MAP2: variants seen among roughly 807,000 people sequenced by gnomAD.
MAP2 encodes the protein microtubule-associated protein 2.
In MAP2, 14 loss-of-function variants were observed where a neutral mutation model predicts 137.6. That is an observed-to-expected ratio of 0.10 (90% confidence interval 0.07 to 0.16). The LOEUF is 0.16. Ranked by LOEUF, MAP2 falls within the 10% of genes least tolerant of loss-of-function variation. MAP2 has a pLI of 1.00. For synonymous variants in MAP2, 786 were observed against 782.3 expected (o/e 1.00, Z -0.08); for missense variants, 2,088 against 2,191.5 (o/e 0.95, Z 0.94).
intron 3 of MAP2, among the ~76,000 whole-genome samples, chr2:209,618,435 G>A (rs534771707): frequency 6.6e-6 from 1 of 152,270 alleles, no homozygotes; most frequent in East Asian, 1.9e-4. Context: ...TTGACCATGA[G>A]TGCTACTAAT....
At chr2:209,589,038 A>G (rs2078526162) in intron 3 of MAP2, among the ~76,000 whole-genome samples, 1 of 152,106 alleles carries the variant, frequency 6.6e-6, no homozygotes, top group Non-Finnish European at 1.5e-5. Context: ...TAAGCATGCA[A>G]TGTTTGCATG....
chr2:209,501,318 TCTG>T (rs750592293), intron 1 of MAP2, among the ~76,000 whole-genome samples: 15 of 152,328 alleles, frequency 9.8e-5, no homozygotes, highest in South Asian at 4.1e-4. Context: ...CTAAAAGATG[TCTG>T]CTATTTTCAT....
intron 2 of MAP2, among the ~76,000 whole-genome samples, chr2:209,557,841 T>C (rs1485074948): frequency 6.6e-6 from 1 of 152,316 alleles, no homozygotes; most frequent in Non-Finnish European, 1.5e-5. Flanking sequence ...AGAATTCGGC[T>C]TATCCTCCTC....
chr2:209,689,240 G>T (rs1302384775), intron 7 of MAP2, among the ~76,000 whole-genome samples: 1 of 151,814 alleles, frequency 6.6e-6, no homozygotes, highest in East Asian at 1.9e-4. Context: ...TACTTAAAAT[G>T]CCATAATTAA....
intron 7 of MAP2, among the ~76,000 whole-genome samples, chr2:209,684,095 C>A (rs2056016014): frequency 6.6e-6 from 1 of 152,108 alleles, no homozygotes; most frequent in Non-Finnish European, 1.5e-5. Context: ...TAAACCAAAC[C>A]TGTACTGATT....
At chr2:209,428,732 A>T (rs1333010021) in intron 1 of MAP2, among the ~76,000 whole-genome samples, 2 of 151,758 alleles carry the variant, frequency 1.3e-5, no homozygotes, top group Non-Finnish European at 2.9e-5. Flanking sequence ...AGGCTTCAAC[A>T]GTTTTTTCCT....
chr2:209,728,436 A>T lies in MAP2; in HGVS notation c.5156-1414A>T, dbSNP rs1370377763. Among the ~76,000 whole-genome samples, 3 of 152,356 alleles carry T rather than the reference A, an allele frequency of 2.0e-5. No homozygotes were observed. The East Asian group carries it at 5.8e-4, about 29-fold the overall frequency. On this transcript the variant is annotated intron_variant, in intron 14 of 15. Transcript: ENST00000682079. Reference sequence around the variant, plus strand: ...TGAGGCATATTTTCAGGGAAGGATAACTACATCTCTAAGCATGAGTTAAAT... The same window carrying T: ...TGAGGCATATTTTCAGGGAAGGATATCTACATCTCTAAGCATGAGTTAAAT...
At chr2:209,625,989 T>C (rs539625944) in intron 4 of MAP2, among the ~76,000 whole-genome samples, 19 of 152,286 alleles carry the variant, frequency 1.2e-4, no homozygotes, top group African/African-American at 4.6e-4. Context: ...CTAGGAAATA[T>C]ATTTCAATTT....
At chr2:209,578,930 T>G (rs1007123412) in intron 2 of MAP2, among the ~76,000 whole-genome samples, 14 of 141,432 alleles carry the variant, frequency 9.9e-5, no homozygotes, top group African/African-American at 2.4e-4. Context: ...TAATTCTCTG[T>G]TTTTTTTTTT....
At chr2:209,609,608 C>A (rs1435857292) in intron 3 of MAP2, among the ~76,000 whole-genome samples, 1 of 152,174 alleles carries the variant, frequency 6.6e-6, no homozygotes, top group Non-Finnish European at 1.5e-5. Flanking sequence ...TAGAAGGCTT[C>A]TTTCACTTAG....
intron 4 of MAP2, among the ~76,000 whole-genome samples, chr2:209,646,935 G>A (rs1418487667): frequency 1.3e-5 from 2 of 152,032 alleles, no homozygotes; most frequent in Non-Finnish European, 2.9e-5. Context: ...AGAAATATCT[G>A]AGACTGTGTA....
chr2:209,720,932 A>G (rs2070477565), intron 13 of MAP2, among the ~76,000 whole-genome samples: 1 of 151,952 alleles, frequency 6.6e-6, no homozygotes, highest in Admixed American at 6.5e-5. Context: ...AGTTAAAACT[A>G]TAACTCTTTG....
intron 2 of MAP2, among the ~76,000 whole-genome samples, chr2:209,559,223 G>A (rs186760922): frequency 1.6e-3 from 243 of 151,758 alleles, no homozygotes; most frequent in African/African-American, 5.6e-3. Flanking sequence ...CCCCGCCGAC[G>A]CCTCCTTCCC....
At chr2:209,600,907 T>G (rs1196170369) in intron 3 of MAP2, among the ~76,000 whole-genome samples, 1 of 152,184 alleles carries the variant, frequency 6.6e-6, no homozygotes, top group Non-Finnish European at 1.5e-5. Context: ...AGCTTACACT[T>G]TCTTTACATG....
intron 2 of MAP2, among the ~76,000 whole-genome samples, chr2:209,522,373 G>A (rs576906193): frequency 6.6e-6 from 1 of 152,192 alleles, no homozygotes; most frequent in Admixed American, 6.5e-5. Flanking sequence ...AAAATAAAAT[G>A]ATTTGGAAGA....
chr2:209,576,733 C>T (rs2075425612), intron 2 of MAP2, among the ~76,000 whole-genome samples: 1 of 152,138 alleles, frequency 6.6e-6, no homozygotes, highest in Admixed American at 6.5e-5. Flanking sequence ...GTAAGGCAAG[C>T]ATCAGTTTAG....
chr2:209,593,619 C>CCAAAAAAAAAAAAAAA (rs2079918738), intron 3 of MAP2, among the ~76,000 whole-genome samples: 1 of 2,928 alleles, frequency 3.4e-4, no homozygotes, highest in African/African-American at 6.5e-4. Context: ...CCTGTCTCTA[C>CCAAAAAAAAAAAAAAA]AAAAAAAAAA....
chr2:209,568,779 T>C (rs950601711), intron 2 of MAP2, among the ~76,000 whole-genome samples: 2 of 151,882 alleles, frequency 1.3e-5, no homozygotes, highest in African/African-American at 4.8e-5. Flanking sequence ...ATTTCCTGCT[T>C]TCAAGAAGAT....
chr2:209,636,590 CACTT>C (rs1398049249), intron 4 of MAP2, among the ~76,000 whole-genome samples: 1 of 151,190 alleles, frequency 6.6e-6, no homozygotes, highest in Admixed American at 6.6e-5. Context: ...CACACACACA[CACTT>C]ATAAGCAACA....
Sources: gnomAD v4.1 joint callset for allele counts (sites outside exome capture counted in the v4.1 genomes callset) on GRCh38, gnomAD v4.1.1 for gene constraint, MANE v1.5 for transcripts, NCBI Gene and HGNC (gene_info 2026-07-23, HGNC 2026-07-21) for gene names.